Variants in DIAPH3 observed in about 807,000 individuals in gnomAD.
DIAPH3 encodes diaphanous related formin 3.
A neutral mutation model predicts 144.3 loss-of-function variants in DIAPH3; 117 were observed. The ratio of observed to expected loss-of-function variants is 0.81; its 90% CI spans 0.70 to 0.95. The LOEUF is 0.95. DIAPH3 is among the 40% of genes least tolerant of loss of function. The pLI, the probability that DIAPH3 is intolerant of heterozygous loss-of-function variation, is 0.00. For missense variants in DIAPH3, 1,421 were observed against 1,412.7 expected (o/e 1.01, Z -0.09); for synonymous variants, 519 against 488.9 (o/e 1.06, Z -0.81).
intron 25 of DIAPH3, among the ~76,000 whole-genome samples, chr13:59,775,333 T>G (rs2038351118): frequency 6.6e-6 from 1 of 152,016 alleles, no homozygotes; most frequent in Non-Finnish European, 1.5e-5. Flanking sequence ...AGCCCTGCCT[T>G]CCAGGTTTAC....
chr13:59,909,090 G>A (rs2046871000), intron 20 of DIAPH3, among the ~76,000 whole-genome samples: 1 of 152,060 alleles, frequency 6.6e-6, no homozygotes, highest in Admixed American at 6.5e-5. Flanking sequence ...CAAGTTAATT[G>A]CCCATTTTTG....
chr13:59,955,261 G>A (rs1468029323), intron 17 of DIAPH3, among the ~76,000 whole-genome samples: 2 of 151,952 alleles, frequency 1.3e-5, no homozygotes, highest in African/African-American at 4.8e-5. Context: ...CCCATCATGG[G>A]AGGGACCCAG....
chr13:60,131,458 A>C (rs1207463324), intron 2 of DIAPH3, among the ~76,000 whole-genome samples: 6 of 151,008 alleles, frequency 4.0e-5, no homozygotes, highest in Non-Finnish European at 8.9e-5. Flanking sequence ...AAAAAAAAAA[A>C]AACAAATGAA....
At chr13:60,055,597 T>C (rs1452330032) in intron 4 of DIAPH3, among the ~76,000 whole-genome samples, 1 of 151,854 alleles carries the variant, frequency 6.6e-6, no homozygotes, top group African/African-American at 2.4e-5. Context: ...GACCACATAA[T>C]GGAGTAGCAT....
intron 25 of DIAPH3, among the ~76,000 whole-genome samples, chr13:59,786,444 T>A (rs147194763): frequency 4.6e-5 from 7 of 152,278 alleles, no homozygotes; most frequent in African/African-American, 1.4e-4. Flanking sequence ...ACAAATTGTA[T>A]CATATTGTTA....
intron 1 of DIAPH3, among the ~76,000 whole-genome samples, chr13:60,137,110 AAGG>A (rs1173892079): frequency 6.6e-6 from 1 of 152,200 alleles, no homozygotes; most frequent in African/African-American, 2.4e-5. Context: ...CCTAAAAAGT[AAGG>A]AGAACCACAT....
chr13:60,031,230 G>A (rs922325837), intron 5 of DIAPH3, among the ~76,000 whole-genome samples: 12 of 152,072 alleles, frequency 7.9e-5, no homozygotes, highest in African/African-American at 2.9e-4. Flanking sequence ...TGGCTGGAGA[G>A]GGGGTGGGGA....
At chr13:59,822,075 C>T (rs2041101580) in intron 24 of DIAPH3, among the ~76,000 whole-genome samples, 1 of 152,134 alleles carries the variant, frequency 6.6e-6, no homozygotes, top group Non-Finnish European at 1.5e-5. Context: ...AGTTTCTTTG[C>T]AATCTCTTCC....
chr13:60,063,341 C>T (rs1056499173), intron 4 of DIAPH3, among the ~76,000 whole-genome samples: 5 of 152,186 alleles, frequency 3.3e-5, no homozygotes, highest in South Asian at 2.1e-4. Context: ...ACCACATCTG[C>T]AGTTATTCCT....
intron 27 of DIAPH3, among the ~76,000 whole-genome samples, chr13:59,667,730 C>A (rs1346425243): frequency 6.6e-6 from 1 of 152,128 alleles, no homozygotes; most frequent in Non-Finnish European, 1.5e-5. Context: ...AAAACAGACA[C>A]CCTCAATATT....
chr13:59,999,533 C>T (rs2052402793), intron 9 of DIAPH3, among the ~76,000 whole-genome samples: 1 of 152,086 alleles, frequency 6.6e-6, no homozygotes, highest in African/African-American at 2.4e-5. Flanking sequence ...TGGCCTACAG[C>T]CCCAGCTGCT....
intron 22 of DIAPH3, among the ~76,000 whole-genome samples, chr13:59,851,734 T>C (rs1173232804): frequency 3.3e-5 from 5 of 149,266 alleles, no homozygotes; most frequent in African/African-American, 1.2e-4. Flanking sequence ...GTGATTCTCC[T>C]ATCTCAGCCT....
intron 26 of DIAPH3, 94 bp downstream of exon 26, chr13:59,774,634 T>G (rs2038299043): frequency 4.0e-6 from 5 of 1,246,902 alleles, no homozygotes; most frequent in Non-Finnish European, 5.8e-6. Context: ...CGGCACTGCA[T>G]TCTTGACACA....
intron 27 of DIAPH3, among the ~76,000 whole-genome samples, chr13:59,698,794 A>C (rs1433274236): frequency 6.6e-6 from 1 of 152,170 alleles, no homozygotes; most frequent in African/African-American, 2.4e-5. Context: ...TAACAGACCT[A>C]AAAGAATTAG....
intron 24 of DIAPH3, among the ~76,000 whole-genome samples, chr13:59,822,889 G>GA (rs1566365481): frequency 6.6e-6 from 1 of 151,904 alleles, no homozygotes; most frequent in Non-Finnish European, 1.5e-5. Context: ...GATGTACAAA[G>GA]AACATACCAT....
intron 20 of DIAPH3, among the ~76,000 whole-genome samples, chr13:59,902,750 T>C (rs2046512697): frequency 6.6e-6 from 1 of 152,170 alleles, no homozygotes; most frequent in South Asian, 2.1e-4. Context: ...TACTTCAGCC[T>C]GGGCAATGAA....
At chr13:59,746,659 A>G (rs1161924464) in intron 27 of DIAPH3, among the ~76,000 whole-genome samples, 2 of 152,210 alleles carry the variant, frequency 1.3e-5, no homozygotes, top group African/African-American at 4.8e-5. Context: ...TTTCAGCTAC[A>G]CAATAAGTTT....
chr13:59,700,945 C>G (rs899963754), intron 27 of DIAPH3, among the ~76,000 whole-genome samples: 1 of 152,018 alleles, frequency 6.6e-6, no homozygotes, highest in African/African-American at 2.4e-5. Context: ...AGTTTATTTA[C>G]TTAGTAAAAG....
intron 17 of DIAPH3, among the ~76,000 whole-genome samples, chr13:59,948,673 C>T (rs2048925431): frequency 6.6e-6 from 1 of 152,106 alleles, no homozygotes; most frequent in Non-Finnish European, 1.5e-5. Context: ...ATTGCCCAAG[C>T]TGGTCTTAAA....
Sources: allele counts gnomAD v4.1 joint callset (sites outside exome capture counted in the v4.1 genomes callset), GRCh38; gene constraint gnomAD v4.1.1; transcripts MANE v1.5; gene names NCBI Gene and HGNC (gene_info 2026-07-23, HGNC 2026-07-21).